FBN1: variants seen among roughly 807,000 people sequenced by gnomAD.
FBN1 encodes the protein fibrillin 1.
FBN1 carries 29 observed loss-of-function variants against 365.1 expected under a neutral mutation model. The ratio of observed to expected loss-of-function variants is 0.08; its 90% CI spans 0.06 to 0.11. The LOEUF is 0.11. FBN1 is among the 10% of genes least tolerant of loss of function. The probability of loss-of-function intolerance (pLI) is 1.00; values close to 1 mark genes in which losing one functional copy is unlikely to be tolerated. For synonymous variants in FBN1, 1,210 were observed against 1,270.5 expected, an observed-to-expected ratio of 0.95 and a Z score of 1.01; for missense variants, 2,476 against 3,703.2, an observed-to-expected ratio of 0.67 and a Z score of 8.60.
chr15:48,546,889 T>C (rs2044097897), intron 6 of FBN1, among the ~76,000 whole-genome samples: 1 of 152,110 alleles, frequency 6.6e-6, no homozygotes, highest in African/African-American at 2.4e-5. Context: ...GCTCCCGGGC[T>C]TCTGGCTTCC....
intron 5 of FBN1, among the ~76,000 whole-genome samples, chr15:48,599,302 A>AG (rs1396003623): frequency 6.6e-6 from 1 of 152,194 alleles, no homozygotes. Context: ...CAGGTAATAG[A>AG]GTACTAGGCA....
At chr15:48,459,439 C>T (rs925316878) in intron 43 of FBN1, among the ~76,000 whole-genome samples, 23 of 152,258 alleles carry the variant, frequency 1.5e-4, no homozygotes, top group African/African-American at 5.3e-4. Flanking sequence ...CTCTTGTTTT[C>T]TTAAACAAGG....
At chr15:48,514,225 A>G (rs2043783971) in intron 12 of FBN1, among the ~76,000 whole-genome samples, 1 of 152,228 alleles carries the variant, frequency 6.6e-6, no homozygotes, top group Non-Finnish European at 1.5e-5. Context: ...CAGTACATTT[A>G]GAGATAAACT....
Position 48,415,745 on chromosome 15 carries a change from A to C in FBN1, c.7842T>G (p.Ala2614=), listed in dbSNP as rs764496589. ...GACAGGAGGCTCCTCCGCAGATGTG[A>C]GCGCTGAGGCATTCGTTTTCATCTG... ...QCVDENECLS[A]HICGGASCHN... Residue 2614 remains alanine, a synonymous_variant, in exon 64 of 66, where the codon GCT becomes GCG. Coordinates refer to ENST00000316623, the MANE Select transcript of FBN1 (RefSeq NM_000138.5). 9.3e-6 allele frequency: 15 copies of C among 1,614,054 alleles called. No individual in the cohort carries two copies. The Middle Eastern group carries it at 4.9e-4, about 53-fold the overall frequency.
Position 48,537,628 on chromosome 15 carries a change from C to A in FBN1, c.719G>T (p.Arg240Leu), listed in dbSNP as rs768744583. 2.5e-6 allele frequency: 4 copies of A among 1,614,030 alleles called. No homozygotes were observed. The highest frequency in any genetic ancestry group is 3.4e-6 in the Non-Finnish European group (4 of 1,180,032). The change falls in exon 7 of 66, where the codon CGC (arginine) becomes CTC (leucine). Residue 240 changes from arginine (R) to leucine (L), a missense_variant. Arg to Leu is a moderately radical substitution (Grantham distance 102). This residue lies in a region of FBN1 where 421 missense variants were observed against 520.1 expected (regional missense o/e 0.81). Coordinates refer to ENST00000316623, the MANE Select transcript of FBN1 (RefSeq NM_000138.5). Reference protein sequence around the residue: ...PCRRGFIPNIRTGACQDVDEC... With the variant: ...PCRRGFIPNILTGACQDVDEC... ...GGGTTTACCTTGACAAGCTCCCGTGCGGATATTTGGAATGAAGCCACGGCG... is the reference window on the plus strand; with the variant it reads ...GGGTTTACCTTGACAAGCTCCCGTGAGGATATTTGGAATGAAGCCACGGCG...
rs1448650040 is a variant in FBN1 at position 48,427,588 on chromosome 15, C to T, written c.7183G>A (p.Gly2395Arg). The change falls in exon 58 of 66, where the codon GGA (glycine) becomes AGA (arginine). Residue 2395 changes from glycine to arginine, a missense_variant. This residue lies in a region of FBN1 where 1,780 missense variants were observed against 2,840.8 expected (regional missense o/e 0.63). Coordinates refer to ENST00000316623, the MANE Select transcript of FBN1 (RefSeq NM_000138.5). ...GTACCTGCTCCATTGGTCATGAATC[C>T]TCGGCCATGGGGACAGAGTTTCTTG... ...AFKKLCPHGR[G>R]FMTNGADIDE... The T allele has an allele frequency of 1.2e-6, 2 of 1,614,024 alleles. No individual in the cohort carries two copies. The highest frequency in any genetic ancestry group is 1.7e-6 in the Non-Finnish European group (2 of 1,179,996).
At position 48,463,919 on chromosome 15, in the gene FBN1, T is replaced by C; in HGVS notation, c.5045A>G (p.Asn1682Ser). 6.2e-7 allele frequency: 1 copy of C among 1,613,600 alleles called. No individual in the cohort carries two copies. The highest frequency in any genetic ancestry group is 8.5e-7 in the Non-Finnish European group (1 of 1,179,730). Residue 1682 changes from asparagine to serine, a missense_variant, in exon 41 of 66, where the codon AAT becomes AGT. Around this residue, in one of 5 missense-constraint regions of FBN1, gnomAD observed 1,780 missense variants for 2,840.8 expected, o/e 0.63. Transcript: ENST00000316623. The part of the protein sequence containing the change: ...CICPPDYMQV[N>S]GGNNCMDMRR... ...CTTACCCATGCAATTATTTCCCCCA[T>C]TCACTTGCATGTAGTCTGGAGGACA...
chr15:48,550,280 G>A (rs1447321114), intron 6 of FBN1, among the ~76,000 whole-genome samples: 1 of 152,174 alleles, frequency 6.6e-6, no homozygotes, highest in Non-Finnish European at 1.5e-5. Context: ...GAAGGGCAGA[G>A]CGTGTAGAAA....
intron 28 of FBN1, 46 bp from the exon 29 acceptor site, chr15:48,487,246 A>G (rs2043516124): frequency 4.3e-6 from 7 of 1,614,112 alleles, no homozygotes; most frequent in Non-Finnish European, 5.9e-6. Context: ...TAAGCTTCCA[A>G]CTTTGGCAAT....
chr15:48,533,209 A>G (rs553211033), intron 8 of FBN1, among the ~76,000 whole-genome samples: 9 of 152,346 alleles, frequency 5.9e-5, no homozygotes, highest in African/African-American at 2.2e-4. Context: ...CATCCATCTA[A>G]GTGAAACCTC....
chr15:48,525,098 T>G (rs967154899), intron 9 of FBN1, among the ~76,000 whole-genome samples: 1 of 152,108 alleles, frequency 6.6e-6, no homozygotes, highest in African/African-American at 2.4e-5. Context: ...CTATTTTTTT[T>G]TTTTTTCAGA....
intron 45 of FBN1, among the ~76,000 whole-genome samples, chr15:48,449,174 G>T (rs2043181441): frequency 6.6e-6 from 1 of 152,104 alleles, no homozygotes; most frequent in East Asian, 1.9e-4. Flanking sequence ...ATTCAAGCCG[G>T]GAGGATTTTC....
intron 27 of FBN1, 31 bp downstream of exon 27, chr15:48,488,078 CTCTT>C: frequency 1.2e-6 from 2 of 1,614,036 alleles, no homozygotes; most frequent in African/African-American, 1.3e-5. Context: ...TGGAATCCTT[CTCTT>C]TCTGTGTTGA....
chr15:48,464,161 C>T, intron 40 of FBN1, 140 bp from the exon 41 acceptor site: 1 of 782,424 alleles, frequency 1.3e-6, no homozygotes, highest in Non-Finnish European at 2.2e-6. Context: ...GTATTTCATT[C>T]ATCCGTGTCC....
chr15:48,592,721 C>T (rs2044487914), intron 6 of FBN1, among the ~76,000 whole-genome samples: 1 of 152,132 alleles, frequency 6.6e-6, no homozygotes, highest in Non-Finnish European at 1.5e-5. Flanking sequence ...CAATCTTTGA[C>T]AGAGAAAGCA....
chr15:48,627,862 T>C (rs1382433155), intron 2 of FBN1, among the ~76,000 whole-genome samples: 1 of 152,188 alleles, frequency 6.6e-6, no homozygotes, highest in Non-Finnish European at 1.5e-5. Context: ...TGTTTCAAGC[T>C]ATAATTAAGC....
chr15:48,565,025 C>T (rs16961156), intron 6 of FBN1, among the ~76,000 whole-genome samples: 1,906 of 152,190 alleles, frequency 0.013, 39 homozygotes, highest in African/African-American at 0.044. Context: ...AAATTCCAGG[C>T]GAGAAGCATA....
intron 48 of FBN1, among the ~76,000 whole-genome samples, chr15:48,445,159 T>C (rs986768409): frequency 7.6e-6 from 1 of 130,890 alleles, no homozygotes; most frequent in Non-Finnish European, 1.6e-5. Flanking sequence ...TATATATACA[T>C]ATATATATAC....
At chr15:48,521,427 T>A (rs2043853971) in intron 9 of FBN1, among the ~76,000 whole-genome samples, 1 of 152,198 alleles carries the variant, frequency 6.6e-6, no homozygotes, top group Non-Finnish European at 1.5e-5. Flanking sequence ...TTTTATAAGG[T>A]ACTAGTTATT....
Sources: allele counts gnomAD v4.1 joint callset (sites outside exome capture counted in the v4.1 genomes callset), GRCh38; gene constraint gnomAD v4.1.1; regional missense constraint gnomAD v4.1.1; transcripts MANE v1.5; gene names NCBI Gene and HGNC (gene_info 2026-07-23, HGNC 2026-07-21).